Variants in FAM193A observed in about 807,000 individuals in gnomAD.
The protein encoded by FAM193A is family with sequence similarity 193 member A.
In FAM193A, 22 loss-of-function variants were observed where a neutral mutation model predicts 126.5. The observed-to-expected ratio is 0.17, with a 90% CI of 0.12 to 0.25. The LOEUF (loss-of-function observed/expected upper bound fraction) is 0.25. Ranked by LOEUF, FAM193A falls within the 10% of genes least tolerant of loss-of-function variation. The pLI is 1.00. For synonymous variants in FAM193A, 761 were observed against 646.8 expected (o/e 1.18, Z -2.68); for missense variants, 1,675 against 1,672.8 (o/e 1.00, Z -0.02).
intron 14 of FAM193A, 111 bp from the exon 15 acceptor site, chr4:2,690,587 T>C: frequency 9.8e-7 from 1 of 1,017,348 alleles, no homozygotes; most frequent in East Asian, 2.5e-5. Context: ...AGTGGGATCC[T>C]GACTTCAGTA....
intron 2 of FAM193A, among the ~76,000 whole-genome samples, chr4:2,599,209 T>C (rs1370828586): frequency 1.4e-5 from 2 of 142,180 alleles, no homozygotes; most frequent in African/African-American, 5.1e-5. Flanking sequence ...TTGTTTAAAG[T>C]TAAACTGTTT....
At chr4:2,630,494 C>T (rs775602851) in intron 4 of FAM193A, among the ~76,000 whole-genome samples, 8 of 152,154 alleles carry the variant, frequency 5.3e-5, no homozygotes, top group Non-Finnish European at 8.8e-5. Flanking sequence ...TACTTGTTAA[C>T]ATATAAGCCT....
At chr4:2,643,419 GTATA>G (rs1744835255) in intron 6 of FAM193A, among the ~76,000 whole-genome samples, 1 of 152,018 alleles carries the variant, frequency 6.6e-6, no homozygotes, top group Non-Finnish European at 1.5e-5. Context: ...TTATGGTAAA[GTATA>G]TATAACATAA....
At chr4:2,542,216 A>G (rs1164315784) in intron 1 of FAM193A, among the ~76,000 whole-genome samples, 2 of 151,942 alleles carry the variant, frequency 1.3e-5, no homozygotes, top group South Asian at 4.1e-4. Flanking sequence ...GGGCTTCACC[A>G]TGTTGGTCTA....
At chr4:2,583,056 C>G (rs1379965436) in intron 1 of FAM193A, among the ~76,000 whole-genome samples, 1 of 152,272 alleles carries the variant, frequency 6.6e-6, no homozygotes, top group South Asian at 2.1e-4. Flanking sequence ...GCAACCTCCA[C>G]CTCCCGGGTT....
intron 19 of FAM193A, among the ~76,000 whole-genome samples, chr4:2,711,519 T>C (rs946923631): frequency 6.6e-6 from 1 of 151,700 alleles, no homozygotes; most frequent in Admixed American, 6.6e-5. Flanking sequence ...TTTGTATTTT[T>C]AGTAGCGACG....
At chr4:2,703,994 A>C in intron 19 of FAM193A, among the ~76,000 whole-genome samples, 1 of 148,442 alleles carries the variant, frequency 6.7e-6, no homozygotes, top group African/African-American at 2.5e-5. Context: ...GCAGCCGGGC[A>C]TGGTGGCTCA....
intron 13 of FAM193A, among the ~76,000 whole-genome samples, chr4:2,678,198 A>G (rs182832535): frequency 4.6e-5 from 7 of 152,022 alleles, no homozygotes; most frequent in African/African-American, 1.7e-4. Flanking sequence ...GTTAGCCAGG[A>G]TGGTCCCAAT....
At position 2,543,362 on chromosome 4, in the gene FAM193A, C is replaced by T. The variant is rs35224370; in HGVS notation, c.255+6192C>T. ...TCGGCCTCTCAAAGTGCTAGGATTA[C>T]GGTGTGAGCCACTGCATTTGGCCAC... On this transcript the variant is annotated intron_variant, in intron 1 of 20. Transcript: ENST00000637812. Among the ~76,000 whole-genome samples, 1,348 of 152,070 alleles carry T rather than the reference C, an allele frequency of 8.9e-3. 8 individuals carry two copies. The highest frequency in any genetic ancestry group is 0.016 in the South Asian group (79 of 4,814).
intron 1 of FAM193A, among the ~76,000 whole-genome samples, chr4:2,584,341 G>A (rs1168587199): frequency 6.6e-6 from 1 of 150,560 alleles, no homozygotes; most frequent in Non-Finnish European, 1.5e-5. Flanking sequence ...CAGGAGAATC[G>A]CTTGAACCTG....
intron 20 of FAM193A, among the ~76,000 whole-genome samples, chr4:2,716,763 G>A (rs573720334): frequency 5.3e-5 from 8 of 151,458 alleles, no homozygotes; most frequent in Non-Finnish European, 1.0e-4. Context: ...TGCAACCTCT[G>A]CCTCCCGGGT....
intron 8 of FAM193A, among the ~76,000 whole-genome samples, chr4:2,658,314 A>G (rs1711960645): frequency 6.6e-6 from 1 of 152,112 alleles, no homozygotes; most frequent in Admixed American, 6.5e-5. Flanking sequence ...ATCTCCAGAC[A>G]TTGCCAGGTG....
intron 17 of FAM193A, 193 bp from the exon 18 acceptor site, chr4:2,696,170 G>A: frequency 3.8e-6 from 2 of 530,564 alleles, no homozygotes; most frequent in South Asian, 2.6e-5. Flanking sequence ...TTGAGAGTAG[G>A]TATCAAAATG....
intron 20 of FAM193A, among the ~76,000 whole-genome samples, chr4:2,731,479 C>G (rs1163485955): frequency 6.6e-6 from 1 of 152,090 alleles, no homozygotes; most frequent in Non-Finnish European, 1.5e-5. Flanking sequence ...AGCCACCACA[C>G]CCTGCCTGGG....
At chr4:2,713,686 ATTC>A (rs1719244594) in intron 19 of FAM193A, among the ~76,000 whole-genome samples, 1 of 152,110 alleles carries the variant, frequency 6.6e-6, no homozygotes, top group Non-Finnish European at 1.5e-5. Context: ...AACACACGGT[ATTC>A]TTAGGTACAC....
chr4:2,621,882 G>A (rs867930998), intron 2 of FAM193A, among the ~76,000 whole-genome samples: 43 of 152,288 alleles, frequency 2.8e-4, no homozygotes, highest in African/African-American at 9.6e-4. Flanking sequence ...TGCCTCTTCA[G>A]TCAGAACTCC....
chr4:2,699,452 A>T (rs866186102), intron 18 of FAM193A, among the ~76,000 whole-genome samples: 3 of 96,420 alleles, frequency 3.1e-5, no homozygotes, highest in Non-Finnish European at 6.8e-5. Context: ...CCCCCCACAC[A>T]CACACACACA....
chr4:2,558,441 C>G (rs1213604240), intron 1 of FAM193A, among the ~76,000 whole-genome samples: 1 of 152,152 alleles, frequency 6.6e-6, no homozygotes, highest in Admixed American at 6.6e-5. Flanking sequence ...GAGTGCAATT[C>G]CGCCGTCATA....
At chr4:2,575,824 C>A (rs908943824) in intron 1 of FAM193A, among the ~76,000 whole-genome samples, 8 of 152,110 alleles carry the variant, frequency 5.3e-5, no homozygotes, top group Admixed American at 4.6e-4. Flanking sequence ...CGAGTACACA[C>A]CATCGTCCAT....
Sources: gnomAD v4.1 joint callset for allele counts (sites outside exome capture counted in the v4.1 genomes callset) on GRCh38, gnomAD v4.1.1 for gene constraint, MANE v1.5 for transcripts, NCBI Gene and HGNC (gene_info 2026-07-23, HGNC 2026-07-21) for gene names.